Variants in PDXDC1 observed in about 807,000 individuals in gnomAD.
PDXDC1 encodes pyridoxal dependent decarboxylase domain containing 1.
In PDXDC1, 42 loss-of-function variants were observed where a neutral mutation model predicts 100.1. That is an observed-to-expected ratio of 0.42 (90% CI 0.33 to 0.54). PDXDC1 has a LOEUF of 0.54. PDXDC1 is among the 20% of genes least tolerant of loss of function. The pLI, the probability that PDXDC1 is intolerant of heterozygous loss-of-function variation, is 0.10. For synonymous variants in PDXDC1, 260 were observed against 371.7 expected, an observed-to-expected ratio of 0.70 and a Z score of 3.46; for missense variants, 636 against 979.2, an observed-to-expected ratio of 0.65 and a Z score of 4.68.
Position 15,048,321 on chromosome 16 carries a change from G to C in PDXDC1, c.1399+18265G>C, listed in dbSNP as rs536247500. 2.0e-5 allele frequency among the ~76,000 whole-genome samples: 3 copies of C among 152,274 alleles called. No individual in the cohort carries two copies. The South Asian group carries it at 6.2e-4, about 32-fold the overall frequency. ...CTGCGCGGTGGTTTTTTTAACCTAT[G>C]AAATCGGATGTCATAGTAACCTATG... On this transcript the variant is annotated intron_variant, in intron 16 of 16. Transcript: ENST00000535621.
intron 16 of PDXDC1, among the ~76,000 whole-genome samples, chr16:15,059,813 A>G (rs567796962): frequency 2.3e-4 from 35 of 152,230 alleles, no homozygotes; most frequent in Non-Finnish European, 4.3e-4. Context: ...TCAAGCCTCA[A>G]TCACTCTTTG....
At chr16:15,066,903 A>G (rs1417725783) in intron 16 of PDXDC1, among the ~76,000 whole-genome samples, 1 of 151,958 alleles carries the variant, frequency 6.6e-6, no homozygotes, top group Non-Finnish European at 1.5e-5. Flanking sequence ...TCCAATGCGC[A>G]TGCCAACCCC....
At chr16:15,133,294 G>A (rs142108136) in intron 16 of PDXDC1, 2 of 1,571,990 alleles carry the variant, frequency 1.3e-6, no homozygotes, top group East Asian at 2.3e-5. Context: ...GGGCCAGCGA[G>A]TACTCGATGA....
chr16:15,040,138 C>G, downstream of PDXDC1: 1 of 782,352 alleles, frequency 1.3e-6, no homozygotes, highest in Non-Finnish European at 2.2e-6. Context: ...TCTTACATTT[C>G]TACCACCACT....
intron 16 of PDXDC1, chr16:15,072,989 A>C: frequency 1.2e-6 from 2 of 1,613,720 alleles, no homozygotes; most frequent in Non-Finnish European, 1.7e-6. Context: ...AAAACTGTAC[A>C]TGGCAGGAGG....
chr16:15,064,489 C>T (rs2941258), intron 16 of PDXDC1, among the ~76,000 whole-genome samples: 118,048 of 152,126 alleles, frequency 0.78, 47,058 homozygotes, highest in Admixed American at 0.87. Flanking sequence ...GTTTGTTTTT[C>T]GTTTATCCTG....
intron 16 of PDXDC1, among the ~76,000 whole-genome samples, chr16:15,086,669 G>A (rs2045926762): frequency 6.6e-6 from 1 of 152,124 alleles, no homozygotes; most frequent in Non-Finnish European, 1.5e-5. Context: ...TAATACACAG[G>A]AGAAAGACTT....
At position 15,036,608 on chromosome 16, in the gene PDXDC1, T is replaced by G; in HGVS notation, c.*333T>G. ...AAACATAAGCCTAAGTATATGAGGTTGCCCGTGGCAACTTTTTGGTAAAAC... is the reference window on the plus strand; with the variant it reads ...AAACATAAGCCTAAGTATATGAGGTGGCCCGTGGCAACTTTTTGGTAAAAC... On this transcript the variant is annotated 3_prime_UTR_variant, in exon 23 of 23. Coordinates refer to ENST00000396410, the MANE Select transcript of PDXDC1 (RefSeq NM_015027.4). 2 of 307,836 alleles carry G rather than the reference T, an allele frequency of 6.5e-6. No homozygotes were observed. The highest frequency in any genetic ancestry group is 1.2e-5 in the Non-Finnish European group (2 of 165,892). The allele number at this position is 307,836 out of a possible 1,614,324, so 19.1% of individuals were successfully genotyped here.
At chr16:15,024,997 A>G (rs2042481879) in intron 13 of PDXDC1, among the ~76,000 whole-genome samples, 1 of 152,312 alleles carries the variant, frequency 6.6e-6, no homozygotes, top group Non-Finnish European at 1.5e-5. Context: ...GCCAGGCCCC[A>G]GACATGCTCC....
chr16:15,145,183 G>A, the PDXDC1 span, among the ~76,000 whole-genome samples: 2 of 152,210 alleles, frequency 1.3e-5, no homozygotes, highest in Non-Finnish European at 2.9e-5. Context: ...AGGGTGGTGG[G>A]GGGGGCCAAG....
chr16:15,054,837 A>G (rs1407464394), intron 16 of PDXDC1, among the ~76,000 whole-genome samples: 1 of 152,218 alleles, frequency 6.6e-6, no homozygotes, highest in African/African-American at 2.4e-5. Context: ...CCAATAGAGA[A>G]CAAACAAGCA....
intron 16 of PDXDC1, among the ~76,000 whole-genome samples, chr16:15,078,213 T>A (rs552723043): frequency 5.3e-5 from 8 of 152,194 alleles, no homozygotes; most frequent in Non-Finnish European, 1.2e-4. Context: ...ACTGCACCAG[T>A]GAGCCCAAGC....
intron 16 of PDXDC1, among the ~76,000 whole-genome samples, chr16:15,085,974 C>T (rs553737086): frequency 1.5e-4 from 23 of 152,272 alleles, no homozygotes; most frequent in Middle Eastern, 6.8e-3. Flanking sequence ...CTAGACACCT[C>T]CATAGGGGTC....
intron 3 of PDXDC1, among the ~76,000 whole-genome samples, chr16:15,000,415 C>T (rs1198142765): frequency 6.6e-6 from 1 of 152,300 alleles, no homozygotes; most frequent in Non-Finnish European, 1.5e-5. Flanking sequence ...CTCAAGGGCC[C>T]CTGCCTGCTC....
At chr16:15,129,334 AGAATCGCTTAAGGG>A (rs2047929141) in intron 16 of PDXDC1, among the ~76,000 whole-genome samples, 1 of 151,684 alleles carries the variant, frequency 6.6e-6, no homozygotes, top group South Asian at 2.1e-4. Context: ...GCTACTCAGG[AGAATCGCTTAAGGG>A]GAATCGCTTA....
intron 16 of PDXDC1, among the ~76,000 whole-genome samples, chr16:15,098,293 C>T (rs1202920506): frequency 3.3e-5 from 5 of 151,210 alleles, no homozygotes; most frequent in South Asian, 2.1e-4. Context: ...CTCTGCCTCC[C>T]GGGTTCAAGC....
chr16:15,127,885 A>C (rs2047830205), intron 16 of PDXDC1: 1 of 1,548,128 alleles, frequency 6.5e-7, no homozygotes, highest in Non-Finnish European at 8.8e-7. Context: ...GAAGCGCAAC[A>C]GGGCTGCGTG....
chr16:15,135,799 G>A (rs1252708234), intron 16 of PDXDC1: 97 of 1,537,190 alleles, frequency 6.3e-5, no homozygotes, highest in Non-Finnish European at 8.2e-5. Flanking sequence ...TGGGCACCAG[G>A]CGCTCAGGGG....
rs369018159 is a variant in PDXDC1 at position 15,001,793 on chromosome 16, G to A, written c.179G>A (p.Ser60Asn). Reference sequence around the variant, plus strand: ...TTCTGCAGTGGGCAAGATATGGTGAGCATCCTCCAGTTAGTTCAGAATCTC... The same window carrying A: ...TTCTGCAGTGGGCAAGATATGGTGAACATCCTCCAGTTAGTTCAGAATCTC... ...PLQGSGQDMVSILQLVQNLMH... is the reference protein window; with the variant it reads ...PLQGSGQDMVNILQLVQNLMH... The change falls in exon 4 of 23, where the codon AGC becomes AAC. Residue 60 changes from serine to asparagine, a missense_variant. Transcript: ENST00000396410. 7.4e-6 allele frequency: 12 copies of A among 1,611,294 alleles called. No individual in the cohort carries two copies. In the African/African-American group the frequency reaches 1.5e-4, roughly 20 times the overall value.
Sources: allele counts gnomAD v4.1 joint callset (sites outside exome capture counted in the v4.1 genomes callset), GRCh38; gene constraint gnomAD v4.1.1; transcripts MANE v1.5; gene names NCBI Gene and HGNC (gene_info 2026-07-23, HGNC 2026-07-21).